MROH1: variants seen among roughly 807,000 people sequenced by gnomAD.
MROH1 encodes the protein maestro heat like repeat family member 1, also known as maestro heat-like repeat-containing protein family member 1.
A neutral mutation model predicts 116.5 loss-of-function variants in MROH1; 117 were observed. The ratio of observed to expected loss-of-function variants is 1.00; its 90% confidence interval spans 0.86 to 1.17. The LOEUF (loss-of-function observed/expected upper bound fraction) is 1.17. Ranked by LOEUF, MROH1 falls within the 50% of genes most tolerant of loss-of-function variation. MROH1 has a pLI of 0.00. For synonymous variants in MROH1, 921 were observed against 583.9 expected (o/e 1.58, Z -8.32); for missense variants, 1,873 against 1,338.5 (o/e 1.40, Z -6.23).
At chr8:144,172,424 T>TCC in intron 4 of MROH1, among the ~76,000 whole-genome samples, 1 of 151,460 alleles carries the variant, frequency 6.6e-6, no homozygotes, top group African/African-American at 2.4e-5. Flanking sequence ...TTTTTTTTTT[T>TCC]CCCCCGAGAG....
At chr8:144,183,730 T>C (rs1282274109) in intron 7 of MROH1, among the ~76,000 whole-genome samples, 1 of 151,928 alleles carries the variant, frequency 6.6e-6, no homozygotes, top group African/African-American at 2.4e-5. Context: ...CACTGCAAGC[T>C]CTGCCTCCCA....
chr8:144,188,519 G>A (rs1483854818), intron 7 of MROH1, among the ~76,000 whole-genome samples: 1 of 8 alleles, frequency 0.12, no homozygotes, highest in Non-Finnish European at 0.17. Context: ...CCAGGCTGGA[G>A]TGCATGGCGT....
Position 144,249,171 on chromosome 8 carries a change from T to G in MROH1, c.3273+142T>G, listed in dbSNP as rs939484315. On this transcript the variant is annotated intron_variant, in intron 32 of 43. Coordinates refer to ENST00000326134, the MANE Select transcript of MROH1 (RefSeq NM_032450.3). ...CAGTGAGGCTGGCCCTGGCCTGTCC[T>G]GGACCACCCTGCCCAGCCCTCCTCG... The G allele has an allele frequency of 2.6e-5, 17 of 658,946 alleles. No homozygotes were observed. The East Asian group carries it at 4.6e-4, about 18-fold the overall frequency. The allele number at this position is 658,946 out of a possible 1,614,324, so 40.8% of individuals were successfully genotyped here. A position where few individuals can be genotyped will look rare whatever the true frequency, so the allele number is the denominator to read the frequency against.
At chr8:144,217,252 AGGTG>A (rs1835476019) in intron 12 of MROH1, among the ~76,000 whole-genome samples, 1 of 152,228 alleles carries the variant, frequency 6.6e-6, no homozygotes, top group African/African-American at 2.4e-5. Flanking sequence ...GGGTGCTAAA[AGGTG>A]ACACCTGTGC....
chr8:144,157,193 T>C (rs1166571900), intron 1 of MROH1, among the ~76,000 whole-genome samples: 1 of 152,080 alleles, frequency 6.6e-6, no homozygotes, highest in African/African-American at 2.4e-5. Flanking sequence ...CCTGACCTTA[T>C]GATCCGCCTG....
chr8:144,168,202 G>A, intron 3 of MROH1, 93 bp from the exon 4 acceptor site: 1 of 1,356,794 alleles, frequency 7.4e-7, no homozygotes, highest in Non-Finnish European at 9.8e-7. Flanking sequence ...ATCCTCAGAG[G>A]CTGCAGGTGT....
chr8:144,181,329 G>A (rs561578368), intron 7 of MROH1, among the ~76,000 whole-genome samples: 1 of 152,086 alleles, frequency 6.6e-6, no homozygotes, highest in African/African-American at 2.4e-5. Flanking sequence ...ATGGGGGAGG[G>A]GCCTGGTGGG....
In MROH1 at chr8:144,245,332, C is replaced by G. The variant is rs1225860774; in HGVS notation, c.2871+72C>G. Reference sequence around the variant, plus strand: ...ATGACCCAGAGTGTGAGCTGCCTTCCTGGCTTCCTCTGGCCGCCGCCCCAG... The same window carrying G: ...ATGACCCAGAGTGTGAGCTGCCTTCGTGGCTTCCTCTGGCCGCCGCCCCAG... On this transcript the variant is annotated intron_variant, in intron 29 of 43. Transcript: ENST00000326134. 1.7e-4 allele frequency: 132 copies of G among 756,110 alleles called. 2 individuals are homozygous for G. The highest frequency in any genetic ancestry group is 1.7e-3 in the South Asian group (124 of 73,390). The allele number at this position is 756,110 out of a possible 1,614,324, so 46.8% of individuals were successfully genotyped here.
intron 34 of MROH1, 108 bp from the exon 35 acceptor site, chr8:144,255,401 C>A: frequency 1.4e-6 from 1 of 691,432 alleles, no homozygotes; most frequent in Non-Finnish European, 2.7e-6. Flanking sequence ...GATCTGAGAC[C>A]TCCGAGCACA....
intron 12 of MROH1, among the ~76,000 whole-genome samples, chr8:144,201,784 G>A (rs998747230): frequency 4.6e-5 from 7 of 152,040 alleles, no homozygotes; most frequent in South Asian, 4.1e-4. Context: ...AGGCCATGGC[G>A]GGCAGATCAC....
intron 4 of MROH1, among the ~76,000 whole-genome samples, chr8:144,178,076 C>T (rs1824513209): frequency 6.6e-6 from 1 of 151,760 alleles, no homozygotes; most frequent in Non-Finnish European, 1.5e-5. Flanking sequence ...TCTCCTGCCT[C>T]AGCCTCCCAA....
intron 12 of MROH1, among the ~76,000 whole-genome samples, chr8:144,207,967 C>T (rs1236244404): frequency 1.4e-5 from 2 of 141,706 alleles, no homozygotes; most frequent in East Asian, 2.1e-4. Flanking sequence ...TTTTTTGAGA[C>T]AGAGTTTTGC....
At chr8:144,183,655 C>CT (rs897012282) in intron 7 of MROH1, among the ~76,000 whole-genome samples, 167 of 147,684 alleles carry the variant, frequency 1.1e-3, no homozygotes, top group Non-Finnish European at 1.8e-3. Context: ...TTTCTTTTTT[C>CT]TTTTTTTTTG....
At chr8:144,179,891 G>C (rs1472293624) in intron 5 of MROH1, among the ~76,000 whole-genome samples, 1 of 151,912 alleles carries the variant, frequency 6.6e-6, no homozygotes, top group Non-Finnish European at 1.5e-5. Context: ...GCTCTGGTGG[G>C]CCTAACTCTC....
chr8:144,214,481 A>G (rs1342830826), intron 12 of MROH1: 1 of 152,214 alleles, frequency 6.6e-6, no homozygotes, highest in Admixed American at 6.5e-5. Context: ...GGAGTGAATA[A>G]AATATTGCAG....
intron 20 of MROH1, 63 bp from the exon 21 acceptor site, chr8:144,240,929 G>C: frequency 1.4e-6 from 1 of 715,646 alleles, no homozygotes; most frequent in Non-Finnish European, 2.6e-6. Context: ...CAGCCCCATG[G>C]CAGCGCTGGG....
chr8:144,251,187 G>A (rs1457032107), intron 33 of MROH1: 8 of 154,256 alleles, frequency 5.2e-5, no homozygotes, highest in Admixed American at 3.2e-4. Flanking sequence ...CTCCCATTAG[G>A]TGCATCCAAG....
intron 14 of MROH1, among the ~76,000 whole-genome samples, chr8:144,229,675 A>G (rs879901792): frequency 6.6e-6 from 1 of 152,148 alleles, no homozygotes; most frequent in African/African-American, 2.4e-5. Flanking sequence ...TCAAACAAAA[A>G]CAAAGAAATA....
rs776898635 is a variant in MROH1, at chr8:144,229,540, C to T, written c.1338+6310C>T. On this transcript the variant is annotated intron_variant, in intron 14 of 43. Coordinates refer to ENST00000326134, the MANE Select transcript of MROH1 (RefSeq NM_032450.3). ...GACTACAGGCACACACCAACATGCCCAGCTAATTTTTGTTTTGTTTTGTCT... is the reference window on the plus strand; with the variant it reads ...GACTACAGGCACACACCAACATGCCTAGCTAATTTTTGTTTTGTTTTGTCT... Among the ~76,000 whole-genome samples the T allele has an allele frequency of 6.6e-5, 10 of 152,014 alleles. No individual in the cohort carries two copies. The South Asian group carries it at 8.3e-4, about 13-fold the overall frequency.
Sources: allele counts gnomAD v4.1 joint callset (sites outside exome capture counted in the v4.1 genomes callset), GRCh38; gene constraint gnomAD v4.1.1; transcripts MANE v1.5; gene names NCBI Gene and HGNC (gene_info 2026-07-23, HGNC 2026-07-21).